The following WDR25 variants were observed in gnomAD, a reference collection of about 807,000 sequenced individuals.
WDR25 encodes WD repeat domain 25.
Under a neutral mutation model 47.7 loss-of-function variants are expected in WDR25, and 35 were observed. The ratio of observed to expected loss-of-function variants is 0.73; its 90% confidence interval spans 0.56 to 0.97. The LOEUF (loss-of-function observed/expected upper bound fraction) is 0.97. Among genes scored for constraint, WDR25 ranks in the 50% least tolerant of loss-of-function variants. The pLI is 0.00. For synonymous variants in WDR25, 248 were observed against 278.9 expected (o/e 0.89, Z 1.10); for missense variants, 634 against 704.7 (o/e 0.90, Z 1.14).
intron 2 of WDR25, among the ~76,000 whole-genome samples, chr14:100,416,546 C>T (rs777393121): frequency 6.6e-6 from 1 of 152,170 alleles, no homozygotes; most frequent in East Asian, 1.9e-4. Context: ...CCCTTTTAGG[C>T]CTTTTCCCTT....
At position 100,430,151 on chromosome 14, in the gene WDR25, GGTGTGTGT is replaced by G. The variant is rs59318813; in HGVS notation, c.823-37843_823-37836del. On this transcript the variant is annotated intron_variant, in intron 2 of 6. Transcript: ENST00000402312. This position sits in a 1 kb window ranked among gnomAD's most constrained non-coding sequence, Gnocchi z 4.7. ...CAAATCTTGCAGACCAAGGGGGCCT[GGTGTGTGT>G]GTGTGTGTGTGTGTGTGTGTGTGTG... 6.1e-5 allele frequency among the ~76,000 whole-genome samples: 9 copies of G among 146,792 alleles called. No homozygotes were observed. The highest frequency in any genetic ancestry group is 2.0e-4 in the African/African-American group (8 of 39,778).
At chr14:100,431,642 G>T (rs1898339837) in intron 2 of WDR25, among the ~76,000 whole-genome samples, 1 of 151,792 alleles carries the variant, frequency 6.6e-6, no homozygotes, top group Non-Finnish European at 1.5e-5. Flanking sequence ...CGACTCTGGG[G>T]TTCAAGTGAT....
At chr14:100,482,191 T>C (rs1900228008) in intron 3 of WDR25, among the ~76,000 whole-genome samples, 1 of 151,606 alleles carries the variant, frequency 6.6e-6, no homozygotes, top group Non-Finnish European at 1.5e-5. Flanking sequence ...TTTGATAGAG[T>C]TCAGTGGATA....
intron 4 of WDR25, among the ~76,000 whole-genome samples, chr14:100,514,451 C>T (rs1035855574): frequency 4.6e-5 from 7 of 151,892 alleles, no homozygotes; most frequent in African/African-American, 1.7e-4. Flanking sequence ...ATCTCTTCTC[C>T]CCCATCCATT....
intron 2 of WDR25, among the ~76,000 whole-genome samples, chr14:100,406,130 A>C (rs1055251048): frequency 6.6e-6 from 1 of 152,172 alleles, no homozygotes; most frequent in Admixed American, 6.5e-5. Context: ...CGTGGGGCCC[A>C]GGTTCAAAGC....
chr14:100,401,930 T>C (rs976945968), intron 2 of WDR25, among the ~76,000 whole-genome samples: 7 of 152,234 alleles, frequency 4.6e-5, no homozygotes, highest in Non-Finnish European at 8.8e-5. Flanking sequence ...TTCTCCTTGG[T>C]GCACCTCCTG....
At chr14:100,494,024 C>T (rs1900651969) in intron 4 of WDR25, among the ~76,000 whole-genome samples, 2 of 152,228 alleles carry the variant, frequency 1.3e-5, no homozygotes, top group Admixed American at 1.3e-4. Context: ...TCAGCTGTAT[C>T]CATGCTACTA....
In WDR25 at chr14:100,381,339, C is replaced by T; in HGVS notation, c.415C>T (p.Leu139Phe). ...LAAARFKQVK[L>F]SRNFPKSSFH... ...AGCTGCCCGCTTTAAGCAAGTAAAA[C>T]TCTCCAGGAACTTTCCCAAGTCATC... Residue 139 changes from leucine (L) to phenylalanine (F), a missense_variant, in exon 2 of 7, where the codon CTC becomes TTC. Physicochemically the swap from Leu to Phe is conservative, Grantham distance 22. Transcript: ENST00000402312. 1.2e-6 allele frequency: 2 copies of T among 1,614,240 alleles called. No individual in the cohort carries two copies. Among genetic ancestry groups the T allele is most frequent in the South Asian group, 1.1e-5 (1 of 91,086 alleles).
chr14:100,419,315 C>T (rs1043751130), intron 2 of WDR25, among the ~76,000 whole-genome samples: 8 of 152,032 alleles, frequency 5.3e-5, no homozygotes, highest in African/African-American at 1.9e-4. Flanking sequence ...CTCTTTCTTC[C>T]TTCTCCTGCT....
At chr14:100,436,686 G>C (rs377742800) in intron 2 of WDR25, among the ~76,000 whole-genome samples, 1 of 152,200 alleles carries the variant, frequency 6.6e-6, no homozygotes, top group East Asian at 1.9e-4. Context: ...TGTCCTGTGT[G>C]TCAGTCTCCT....
At chr14:100,451,533 G>A (rs747811413) in intron 2 of WDR25, among the ~76,000 whole-genome samples, 2 of 152,188 alleles carry the variant, frequency 1.3e-5, no homozygotes, top group Non-Finnish European at 1.5e-5. Context: ...TCATTCTTAC[G>A]TGAGCTGTTA....
intron 2 of WDR25, among the ~76,000 whole-genome samples, chr14:100,429,623 C>A (rs1015653062): frequency 6.6e-6 from 1 of 152,176 alleles, no homozygotes; most frequent in Admixed American, 6.5e-5. Context: ...TAACAAAATA[C>A]CCTAGACTGA....
chr14:100,472,767 G>T (rs1462078943), intron 3 of WDR25, among the ~76,000 whole-genome samples: 1 of 152,210 alleles, frequency 6.6e-6, no homozygotes, highest in East Asian at 1.9e-4. Flanking sequence ...CTTCCTCCTG[G>T]TAATGGGACA....
intron 2 of WDR25, among the ~76,000 whole-genome samples, chr14:100,441,542 G>A (rs1004666214): frequency 1.3e-5 from 2 of 152,296 alleles, no homozygotes; most frequent in South Asian, 4.1e-4. Flanking sequence ...GGAACACAGA[G>A]GGGCAGCAGG....
chr14:100,484,847 C>G (rs949215323), intron 4 of WDR25, among the ~76,000 whole-genome samples: 2 of 152,204 alleles, frequency 1.3e-5, no homozygotes, highest in African/African-American at 2.4e-5. Flanking sequence ...GCAGGAGTTT[C>G]CCATCTGATC....
At chr14:100,454,333 G>A in intron 2 of WDR25, 2 of 1,266,906 alleles carry the variant, frequency 1.6e-6, no homozygotes, top group South Asian at 2.5e-5. Context: ...TTTTGACTGA[G>A]GTAATGGGGT....
At chr14:100,401,661 CT>C (rs929000506) in intron 2 of WDR25, among the ~76,000 whole-genome samples, 1 of 152,168 alleles carries the variant, frequency 6.6e-6, no homozygotes, top group Non-Finnish European at 1.5e-5. Context: ...TTTTGGGCTT[CT>C]TTTTACTTTG....
At chr14:100,467,892 T>G in intron 2 of WDR25, 129 bp from the exon 3 acceptor site, 1 of 1,230,342 alleles carries the variant, frequency 8.1e-7, no homozygotes, top group Non-Finnish European at 1.1e-6. Context: ...CATCTAGATA[T>G]AGATTTGATG....
chr14:100,460,176 G>A (rs1337157176), intron 2 of WDR25, among the ~76,000 whole-genome samples: 7 of 148,344 alleles, frequency 4.7e-5, no homozygotes, highest in African/African-American at 1.5e-4. Context: ...GCAGTGGCGC[G>A]ATCTCGGCTT....
Sources: allele counts gnomAD v4.1 joint callset (sites outside exome capture counted in the v4.1 genomes callset), GRCh38; gene constraint gnomAD v4.1.1; non-coding constraint Gnocchi (gnomAD v3.1); transcripts MANE v1.5; gene names NCBI Gene and HGNC (gene_info 2026-07-23, HGNC 2026-07-21).